ACSS1: variants seen among roughly 807,000 people sequenced by gnomAD.
The protein encoded by ACSS1 is acyl-CoA synthetase short chain family member 1.
In ACSS1, 42 loss-of-function variants were observed where a neutral mutation model predicts 75.3. That is an observed-to-expected ratio of 0.56 (90% CI 0.44 to 0.72). The LOEUF is 0.72. Among genes scored for constraint, ACSS1 ranks in the 30% least tolerant of loss-of-function variants. The probability of loss-of-function intolerance (pLI) is 0.00; values close to 1 mark genes in which losing one functional copy is unlikely to be tolerated. For missense variants in ACSS1, 782 were observed against 935.7 expected, an observed-to-expected ratio of 0.84 and a Z score of 2.14; for synonymous variants, 380 against 376.8, an observed-to-expected ratio of 1.01 and a Z score of -0.10.
Position 25,023,100 on chromosome 20 carries a change from G to A in ACSS1, c.808-8C>T. ...GTCCTCCTTGGCCATTTCCTGGCAGGGAGAAGAAACAAACAGCCCACCGAG... is the reference window on the plus strand; with the variant it reads ...GTCCTCCTTGGCCATTTCCTGGCAGAGAGAAGAAACAAACAGCCCACCGAG... On this transcript the variant is annotated splice_region_variant and splice_polypyrimidine_tract_variant and intron_variant, in intron 4 of 13. Coordinates refer to ENST00000323482, the MANE Select transcript of ACSS1 (RefSeq NM_032501.4). 6.2e-7 allele frequency: 1 copy of A among 1,609,134 alleles called. No individual in the cohort carries two copies. Among genetic ancestry groups the A allele is most frequent in the Non-Finnish European group, 8.5e-7 (1 of 1,177,476 alleles).
intron 5 of ACSS1, among the ~76,000 whole-genome samples, 187 bp downstream of exon 5, chr20:25,022,753 C>T (rs1024142271): frequency 6.6e-6 from 1 of 152,238 alleles, no homozygotes; most frequent in Non-Finnish European, 1.5e-5. Flanking sequence ...GCAGTGGGGG[C>T]TTGAGGCAGC....
rs765949296 is a variant in ACSS1, at chr20:25,007,732, C to T, written c.*30G>A. ...GGACAAGCCAGGGCTTGGGTGCCCG[C>T]CCATCCCAAGAGCCCCACAAGGTGC... On this transcript the variant is annotated 3_prime_UTR_variant, in exon 14 of 14. Transcript: ENST00000323482. 6.2e-7 allele frequency: 1 copy of T among 1,609,732 alleles called. No individual in the cohort carries two copies. The highest frequency in any genetic ancestry group is 8.5e-7 in the Non-Finnish European group (1 of 1,177,298).
At chr20:25,030,715 C>T (rs775813500) in intron 3 of ACSS1, 44 bp downstream of exon 3, 7 of 1,605,776 alleles carry the variant, frequency 4.4e-6, no homozygotes, top group Middle Eastern at 1.7e-4. Context: ...GAACAAGGAT[C>T]AGGGAACTCC....
chr20:25,046,601 G>T, intron 2 of ACSS1: 1 of 568,974 alleles, frequency 1.8e-6, no homozygotes, highest in Non-Finnish European at 3.1e-6. Context: ...CTTAGCCCCC[G>T]ACCCCCAACA....
chr20:25,043,310 G>A (rs2089034820), intron 2 of ACSS1, among the ~76,000 whole-genome samples: 3 of 152,182 alleles, frequency 2.0e-5, no homozygotes, highest in South Asian at 4.1e-4. Context: ...TCCCTAAATG[G>A]CTGTGTTCGA....
chr20:25,008,063 G>A (rs913418476), intron 13 of ACSS1, 122 bp from the exon 14 acceptor site: 21 of 1,277,808 alleles, frequency 1.6e-5, no homozygotes, highest in Admixed American at 7.9e-5. Context: ...ATCCACAGTG[G>A]ATGTCTAAGC....
Position 25,006,805 on chromosome 20 carries a change from C to T in ACSS1, c.*957G>A. On this transcript the variant is annotated 3_prime_UTR_variant, in exon 14 of 14. Transcript: ENST00000323482. ...ATTGGACCTCAGTGGTTCTCACCGC[C>T]CCAACCACAGAGTGAAGGTCAGGCA... The T allele has an allele frequency of 6.5e-7, 1 of 1,533,512 alleles. No homozygotes were observed. Among genetic ancestry groups the T allele is most frequent in the Middle Eastern group, 1.7e-4 (1 of 5,932 alleles). The allele number at this position is 1,533,512 out of a possible 1,614,324, so 95.0% of individuals were successfully genotyped here. A position where few individuals can be genotyped will look rare whatever the true frequency, so the allele number is the denominator to read the frequency against.
In ACSS1 at chr20:25,015,224, T is replaced by C; in HGVS notation, c.1253A>G (p.Glu418Gly). 2 of 1,606,912 alleles carry C rather than the reference T, an allele frequency of 1.2e-6. No homozygotes were observed. The highest frequency in any genetic ancestry group is 8.5e-7 in the Non-Finnish European group (1 of 1,174,598). ...CTCCCAGGCCTCACAGTTGATGGGCTCTCCCACTGAAACCACACAGAAAGA... is the reference window on the plus strand; with the variant it reads ...CTCCCAGGCCTCACAGTTGATGGGCCCTCCCACTGAAACCACACAGAAAGA... ...SSLRTLGSVG[E>G]PINCEAWEWL... Residue 418 changes from glutamate (E) to glycine (G), a missense_variant, in exon 8 of 14, where the codon GAG becomes GGG. By Grantham distance (98) the Glu-to-Gly change is moderately conservative. Transcript: ENST00000323482.
Position 25,007,542 on chromosome 20 carries a change from G to A in ACSS1, c.*220C>T, listed in dbSNP as rs1185547869. 2.2e-6 allele frequency: 3 copies of A among 1,385,298 alleles called. No individual in the cohort carries two copies. The African/African-American group carries it at 4.4e-5, about 20-fold the overall frequency. The allele number at this position is 1,385,298 out of a possible 1,614,324, so 85.8% of individuals were successfully genotyped here. A position where few individuals can be genotyped will look rare whatever the true frequency, so the allele number is the denominator to read the frequency against. ...AACTCAGATGGCAGAACCAGCCCTA[G>A]CCATGTCGCATAGCCTCTCCATGGG... is the stretch of plus-strand genomic sequence containing the variant. On this transcript the variant is annotated 3_prime_UTR_variant, in exon 14 of 14. Coordinates refer to ENST00000323482, the MANE Select transcript of ACSS1 (RefSeq NM_032501.4).
chr20:25,050,766 C>T (rs1031003322), intron 1 of ACSS1, among the ~76,000 whole-genome samples: 20 of 152,058 alleles, frequency 1.3e-4, no homozygotes, highest in African/African-American at 4.8e-4. Flanking sequence ...TTCAAACAGG[C>T]CCTCACAGCC....
At chr20:25,032,402 C>A (rs754414478) in intron 2 of ACSS1, 2 of 1,403,480 alleles carry the variant, frequency 1.4e-6, no homozygotes, top group Non-Finnish European at 1.9e-6. Context: ...GAAGTGGAAG[C>A]GATCCCAAGG....
At chr20:25,012,326 A>AC in intron 12 of ACSS1, 1 of 515,514 alleles carries the variant, frequency 1.9e-6, no homozygotes, top group Admixed American at 3.3e-5. Flanking sequence ...AGAAGGGGAA[A>AC]CCCCCCAAGC....
At chr20:25,053,668 G>A (rs1419185843) in intron 1 of ACSS1, among the ~76,000 whole-genome samples, 1 of 152,114 alleles carries the variant, frequency 6.6e-6, no homozygotes, top group South Asian at 2.1e-4. Context: ...CCTTCTGAAC[G>A]ATTAGAGGCA....
intron 2 of ACSS1, among the ~76,000 whole-genome samples, chr20:25,041,078 G>A (rs1461676385): frequency 6.6e-6 from 1 of 152,130 alleles, no homozygotes; most frequent in Non-Finnish European, 1.5e-5. Flanking sequence ...CTAACACGGT[G>A]AAACCCCGTC....
At chr20:25,013,935 C>A (rs1299968354) in intron 9 of ACSS1, 26 bp downstream of exon 9, 7 of 1,600,578 alleles carry the variant, frequency 4.4e-6, no homozygotes, top group East Asian at 2.2e-5. Flanking sequence ...GCACATGACC[C>A]CCATGTGGGG....
chr20:25,057,372 G>A (rs1260723090), intron 1 of ACSS1, among the ~76,000 whole-genome samples: 2 of 152,204 alleles, frequency 1.3e-5, no homozygotes, highest in Non-Finnish European at 2.9e-5. Flanking sequence ...CCCGGTATGG[G>A]AACGGGAAAG....
At chr20:25,028,252 C>G (rs1447216716) in intron 3 of ACSS1, among the ~76,000 whole-genome samples, 2 of 152,098 alleles carry the variant, frequency 1.3e-5, no homozygotes, top group Non-Finnish European at 2.9e-5. Context: ...AATGGAAAAG[C>G]TAATCCTAAA....
At chr20:25,042,104 C>A (rs1028695185) in intron 2 of ACSS1, among the ~76,000 whole-genome samples, 1 of 152,182 alleles carries the variant, frequency 6.6e-6, no homozygotes, top group African/African-American at 2.4e-5. Context: ...ACAAAGAGGT[C>A]TCTGTGGACA....
At chr20:25,053,385 T>C (rs906543905) in intron 1 of ACSS1, among the ~76,000 whole-genome samples, 17 of 152,054 alleles carry the variant, frequency 1.1e-4, no homozygotes, top group African/African-American at 3.6e-4. Flanking sequence ...TTTCTTTTAA[T>C]AGCAATCTTC....
Sources: gnomAD v4.1 joint callset for allele counts (sites outside exome capture counted in the v4.1 genomes callset) on GRCh38, gnomAD v4.1.1 for gene constraint, MANE v1.5 for transcripts, NCBI Gene and HGNC (gene_info 2026-07-23, HGNC 2026-07-21) for gene names.